AMD1: variants seen among roughly 807,000 people sequenced by gnomAD.
The protein encoded by AMD1 is S-adenosylmethionine decarboxylase proenzyme.
A neutral mutation model predicts 40.2 loss-of-function variants in AMD1; 11 were observed. The observed-to-expected ratio is 0.27, with a 90% confidence interval of 0.17 to 0.45. The LOEUF (loss-of-function observed/expected upper bound fraction) is 0.45, where lower values mean the gene tolerates loss of function less well. Ranked by LOEUF, AMD1 falls within the 20% of genes least tolerant of loss-of-function variation. The pLI is 1.00. For missense variants in AMD1, 257 were observed against 410.2 expected (o/e 0.63, Z 3.23); for synonymous variants, 121 against 130.8 (o/e 0.93, Z 0.51).
At chr6:110,861,393 G>A in the AMD1 span, among the ~76,000 whole-genome samples, 3 of 148,496 alleles carry the variant, frequency 2.0e-5, no homozygotes, top group South Asian at 2.1e-4. Flanking sequence ...ATGTAGTGGC[G>A]TGTGCCTGTG....
the AMD1 span, chr6:110,858,925 C>A: frequency 1.1e-6 from 1 of 933,652 alleles, no homozygotes; most frequent in Non-Finnish European, 1.8e-6. Context: ...CCGGTTGACA[C>A]CAAGCTGGGA....
the AMD1 span, chr6:110,815,419 G>A: frequency 6.9e-6 from 2 of 289,962 alleles, no homozygotes; most frequent in Non-Finnish European, 1.3e-5. Flanking sequence ...CCTTGTTTTG[G>A]AACCTGGTGG....
At chr6:110,842,795 G>C in the AMD1 span, among the ~76,000 whole-genome samples, 3 of 152,028 alleles carry the variant, frequency 2.0e-5, no homozygotes, top group African/African-American at 7.2e-5. Flanking sequence ...CTTCAACCTA[G>C]ACCTCAAACA....
chr6:110,885,119 TTTG>T (rs1785610410), intron 1 of AMD1, among the ~76,000 whole-genome samples: 1 of 152,066 alleles, frequency 6.6e-6, no homozygotes, highest in Non-Finnish European at 1.5e-5. Context: ...CCACGAGTAG[TTTG>T]TTTATTTTTT....
chr6:110,814,623 A>T, the AMD1 span: 2 of 471,192 alleles, frequency 4.2e-6, no homozygotes, highest in Non-Finnish European at 8.4e-6. Flanking sequence ...GACCGTCACT[A>T]CCCAGGGCCG....
At chr6:110,884,599 GC>G (rs1375455455) in intron 1 of AMD1, among the ~76,000 whole-genome samples, 1 of 152,030 alleles carries the variant, frequency 6.6e-6, no homozygotes, top group Admixed American at 6.6e-5. Context: ...ACTCCCAGCT[GC>G]CTTTTTTCTT....
chr6:110,866,966 A>G, the AMD1 span, among the ~76,000 whole-genome samples: 4 of 151,986 alleles, frequency 2.6e-5, no homozygotes, highest in African/African-American at 9.6e-5. Flanking sequence ...TGCGCCCAAC[A>G]TCGTGCCCAG....
At chr6:110,868,893 TA>T in the AMD1 span, among the ~76,000 whole-genome samples, 51 of 147,466 alleles carry the variant, frequency 3.5e-4, no homozygotes, top group African/African-American at 7.7e-4. Flanking sequence ...CTGACTCTAC[TA>T]AAAAAAAAAT....
At chr6:110,888,805 C>T in intron 2 of AMD1, 52 bp from the exon 3 acceptor site, 4 of 1,531,892 alleles carry the variant, frequency 2.6e-6, no homozygotes, top group Non-Finnish European at 3.5e-6. Context: ...TTGATTGCAC[C>T]CTCAGTAGTA....
chr6:110,883,690 C>G (rs1054007026), intron 1 of AMD1, among the ~76,000 whole-genome samples: 1 of 152,198 alleles, frequency 6.6e-6, no homozygotes, highest in African/African-American at 2.4e-5. Context: ...CTTCCGGGTT[C>G]ATGCCATTCT....
At chr6:110,867,737 A>G in the AMD1 span, among the ~76,000 whole-genome samples, 1 of 152,226 alleles carries the variant, frequency 6.6e-6, no homozygotes, top group African/African-American at 2.4e-5. Flanking sequence ...AAAAGAAAAA[A>G]TAAATTTAAA....
chr6:110,815,096 TC>T, the AMD1 span: 1 of 1,602,318 alleles, frequency 6.2e-7, no homozygotes, highest in Non-Finnish European at 8.5e-7. Flanking sequence ...CTCCACCCGC[TC>T]CCGCTCCGCC....
chr6:110,875,900 C>T (rs934673377), intron 1 of AMD1, among the ~76,000 whole-genome samples: 26 of 152,192 alleles, frequency 1.7e-4, no homozygotes, highest in African/African-American at 6.3e-4. Context: ...GGCGGCTGGG[C>T]AGACGGCGCA....
At chr6:110,850,272 T>G in the AMD1 span, among the ~76,000 whole-genome samples, 1 of 152,176 alleles carries the variant, frequency 6.6e-6, no homozygotes, top group African/African-American at 2.4e-5. Context: ...ATCAAGTCTT[T>G]CATGTTAAGA....
chr6:110,887,643 T>C (rs1785768713), intron 2 of AMD1, 52 bp downstream of exon 2: 1 of 1,288,280 alleles, frequency 7.8e-7, no homozygotes, highest in African/African-American at 1.5e-5. Context: ...CTAATCATAA[T>C]GTGAAACAGT....
the AMD1 span, chr6:110,859,186 C>T: frequency 1.1e-6 from 1 of 890,308 alleles, no homozygotes; most frequent in Admixed American, 2.6e-5. Context: ...ATCTCCCCGT[C>T]TGAGTTTCTG....
At chr6:110,842,619 G>A in the AMD1 span, among the ~76,000 whole-genome samples, 1 of 152,128 alleles carries the variant, frequency 6.6e-6, no homozygotes, top group African/African-American at 2.4e-5. Context: ...CAACATTCAA[G>A]CAACTGTGGC....
chr6:110,833,477 A>G, the AMD1 span, among the ~76,000 whole-genome samples: 21 of 152,222 alleles, frequency 1.4e-4, no homozygotes, highest in Admixed American at 2.6e-4. Context: ...AGGAGCCATG[A>G]TCAGTAAGTC....
At chr6:110,821,414 G>A in the AMD1 span, among the ~76,000 whole-genome samples, 1 of 152,034 alleles carries the variant, frequency 6.6e-6, no homozygotes, top group Non-Finnish European at 1.5e-5. Flanking sequence ...CTGGCCAAGA[G>A]ACCACCCTAG....
Sources: allele counts gnomAD v4.1 joint callset (sites outside exome capture counted in the v4.1 genomes callset), GRCh38; gene constraint gnomAD v4.1.1; transcripts MANE v1.5; gene names NCBI Gene and HGNC (gene_info 2026-07-23, HGNC 2026-07-21).